PDGFC: variants seen among roughly 807,000 people sequenced by gnomAD.
PDGFC encodes the protein platelet-derived growth factor C.
Under a neutral mutation model 35.5 loss-of-function variants are expected in PDGFC, and 12 were observed. The observed-to-expected ratio is 0.34, with a 90% CI of 0.22 to 0.55. The LOEUF (loss-of-function observed/expected upper bound fraction) is 0.55, where lower values mean the gene tolerates loss of function less well. Among genes scored for constraint, PDGFC ranks in the 20% least tolerant of loss-of-function variants. PDGFC has a pLI of 0.91. For synonymous variants in PDGFC, 159 were observed against 148.8 expected (o/e 1.07, Z -0.50); for missense variants, 322 against 412.4 (o/e 0.78, Z 1.90).
intron 1 of PDGFC, among the ~76,000 whole-genome samples, chr4:156,892,594 A>C (rs1213086024): frequency 6.6e-6 from 1 of 152,216 alleles, no homozygotes; most frequent in Non-Finnish European, 1.5e-5. Context: ...AAAATCCCAA[A>C]GGATTATTAT....
At chr4:156,877,959 T>A (rs1730153980) in intron 1 of PDGFC, among the ~76,000 whole-genome samples, 1 of 152,170 alleles carries the variant, frequency 6.6e-6, no homozygotes, top group African/African-American at 2.4e-5. Flanking sequence ...GTTATCCTTG[T>A]CTCTCATAGC....
chr4:156,867,742 T>A (rs993799338), intron 1 of PDGFC, among the ~76,000 whole-genome samples: 1 of 152,194 alleles, frequency 6.6e-6, no homozygotes, highest in Admixed American at 6.5e-5. Flanking sequence ...TTCATACTGT[T>A]TTCATATTAA....
chr4:156,839,624 G>T (rs145197372), intron 2 of PDGFC, among the ~76,000 whole-genome samples: 1 of 152,252 alleles, frequency 6.6e-6, no homozygotes, highest in East Asian at 1.9e-4. Context: ...TTCGGAACTG[G>T]GTAACAGGCA....
intron 1 of PDGFC, among the ~76,000 whole-genome samples, chr4:156,950,817 GA>G (rs1320831243): frequency 1.3e-5 from 2 of 151,704 alleles, no homozygotes; most frequent in East Asian, 3.9e-4. Flanking sequence ...AAATAAATAA[GA>G]AAAAAATTCT....
chr4:156,854,844 T>C (rs142942221), intron 1 of PDGFC, among the ~76,000 whole-genome samples: 317 of 152,252 alleles, frequency 2.1e-3, no homozygotes, highest in Admixed American at 4.5e-3. Context: ...GTCAAATCAC[T>C]AAAATATTTA....
intron 2 of PDGFC, among the ~76,000 whole-genome samples, chr4:156,836,860 T>C (rs1729075818): frequency 6.6e-6 from 1 of 152,126 alleles, no homozygotes; most frequent in African/African-American, 2.4e-5. Flanking sequence ...GGAAATAAAA[T>C]AACAATGAAA....
At position 156,810,972 on chromosome 4, in the gene PDGFC, T is replaced by C; in HGVS notation, c.360A>G (p.Leu120=). ...EVEEPSDGTI[L]GRWCGSGTVP... is the part of the protein sequence containing the mutation. ...CAGTACCAGAACCACACCAGCGCCC[T>C]AATATAGTTCCATCACTGGGTTCCT... Residue 120 remains leucine (L), a synonymous_variant, in exon 3 of 6, where the codon TTA becomes TTG. Coordinates refer to ENST00000502773, the MANE Select transcript of PDGFC (RefSeq NM_016205.3). 6.2e-7 allele frequency: 1 copy of C among 1,601,816 alleles called. No homozygotes were observed. The highest frequency in any genetic ancestry group is 8.5e-7 in the Non-Finnish European group (1 of 1,174,544).
intron 3 of PDGFC, among the ~76,000 whole-genome samples, chr4:156,808,109 T>C (rs1480131565): frequency 6.6e-6 from 1 of 151,982 alleles, no homozygotes; most frequent in African/African-American, 2.4e-5. Context: ...GTCTACTGCG[T>C]TCCGGTTTAT....
At chr4:156,950,694 T>C (rs1176901918) in intron 1 of PDGFC, among the ~76,000 whole-genome samples, 1 of 151,802 alleles carries the variant, frequency 6.6e-6, no homozygotes, top group Non-Finnish European at 1.5e-5. Flanking sequence ...TATAGTTCAA[T>C]AAGCAATTTG....
chr4:156,828,755 T>C (rs1728854665), intron 2 of PDGFC, among the ~76,000 whole-genome samples: 1 of 152,166 alleles, frequency 6.6e-6, no homozygotes, highest in South Asian at 2.1e-4. Flanking sequence ...TTCATTTATA[T>C]ATTACTTCCT....
At chr4:156,877,434 G>C (rs1043706790) in intron 1 of PDGFC, among the ~76,000 whole-genome samples, 1 of 152,016 alleles carries the variant, frequency 6.6e-6, no homozygotes, top group Admixed American at 6.6e-5. Context: ...CTAAATAATT[G>C]TAAGTCAATC....
At chr4:156,859,581 T>G (rs892887999) in intron 1 of PDGFC, among the ~76,000 whole-genome samples, 3 of 152,086 alleles carry the variant, frequency 2.0e-5, no homozygotes, top group South Asian at 2.1e-4. Flanking sequence ...AGGCTAAGTT[T>G]AAACAAAATA....
chr4:156,960,273 T>TATATAA (rs1390089950), intron 1 of PDGFC, among the ~76,000 whole-genome samples: 1 of 147,556 alleles, frequency 6.8e-6, no homozygotes, highest in African/African-American at 2.5e-5. Context: ...TATATATATA[T>TATATAA]AAAACTATAA....
intron 1 of PDGFC, among the ~76,000 whole-genome samples, chr4:156,952,871 A>AT (rs1273626763): frequency 6.6e-6 from 1 of 151,938 alleles, no homozygotes; most frequent in Non-Finnish European, 1.5e-5. Context: ...AATTTGGGGC[A>AT]TAAAAAACAC....
At chr4:156,872,799 T>C (rs1369934018) in intron 1 of PDGFC, among the ~76,000 whole-genome samples, 1 of 152,224 alleles carries the variant, frequency 6.6e-6, no homozygotes, top group Non-Finnish European at 1.5e-5. Flanking sequence ...ATTAAAAATT[T>C]ATTTGTATCC....
chr4:156,969,838 A>G (rs1343703067), intron 1 of PDGFC, among the ~76,000 whole-genome samples: 1 of 152,230 alleles, frequency 6.6e-6, no homozygotes, highest in African/African-American at 2.4e-5. Context: ...AATTTTAGAC[A>G]GCCTAACATG....
intron 1 of PDGFC, among the ~76,000 whole-genome samples, chr4:156,960,268 A>G (rs2110968611): frequency 6.8e-6 from 1 of 147,820 alleles, no homozygotes; most frequent in South Asian, 2.1e-4. Context: ...ATATATATAT[A>G]TATATAAAAC....
intron 1 of PDGFC, among the ~76,000 whole-genome samples, chr4:156,934,824 A>G (rs530476111): frequency 3.3e-5 from 5 of 152,280 alleles, no homozygotes; most frequent in Admixed American, 2.0e-4. Context: ...CCTTCACAGG[A>G]TCAGGACCAT....
intron 3 of PDGFC, chr4:156,778,302 C>A: frequency 3.5e-6 from 1 of 284,120 alleles, no homozygotes; most frequent in Non-Finnish European, 7.7e-6. Context: ...ACAAGTATCA[C>A]ACAAATCCTG....
Sources: allele counts gnomAD v4.1 joint callset (sites outside exome capture counted in the v4.1 genomes callset), GRCh38; gene constraint gnomAD v4.1.1; transcripts MANE v1.5; gene names NCBI Gene and HGNC (gene_info 2026-07-23, HGNC 2026-07-21).